The following PACRG variants were observed in gnomAD, a reference collection of about 807,000 sequenced individuals.
PACRG encodes parkin coregulated, also known as parkin coregulated gene protein.
Under a neutral mutation model 29.7 loss-of-function variants are expected in PACRG, and 29 were observed. The observed-to-expected ratio is 0.98, with a 90% CI of 0.73 to 1.33. The LOEUF (loss-of-function observed/expected upper bound fraction) is 1.33. Ranked by LOEUF, PACRG falls within the 40% of genes most tolerant of loss-of-function variation. PACRG has a pLI of 0.00. For missense variants in PACRG, 279 were observed against 316.2 expected (o/e 0.88, Z 0.89); for synonymous variants, 116 against 118.7 (o/e 0.98, Z 0.15).
chr6:162,997,506 G>A (rs1481428417), intron 2 of PACRG: 1 of 435,906 alleles, frequency 2.3e-6, no homozygotes, highest in African/African-American at 2.0e-5. Context: ...CCAATGAATA[G>A]CAGAATAATG....
At chr6:162,799,397 A>G (rs9458647) in intron 1 of PACRG, among the ~76,000 whole-genome samples, 79,625 of 151,908 alleles carry the variant, frequency 0.52, 21,789 homozygotes, top group African/African-American at 0.69. Flanking sequence ...ACTGTGGTGG[A>G]AAAAACCTAG....
intron 2 of PACRG, among the ~76,000 whole-genome samples, chr6:162,955,722 T>G (rs1158703324): frequency 6.6e-6 from 1 of 152,236 alleles, no homozygotes. Flanking sequence ...GAAAGGAGGC[T>G]GAAGGCCCTT....
intron 2 of PACRG, among the ~76,000 whole-genome samples, chr6:162,880,812 G>A (rs1180496132): frequency 2.6e-5 from 4 of 152,212 alleles, no homozygotes; most frequent in African/African-American, 9.6e-5. Flanking sequence ...ACTACACATC[G>A]CTTTCATCTG....
In PACRG at chr6:162,787,558, T is replaced by TTGTGTG. The variant is rs377437969; in HGVS notation, c.157-26569_157-26564dup. ...GTGTTTGTGTATATATATATGGTTA[T>TTGTGTG]TGTGTGTGTGTGTGTGTGTGTGTGT... On this transcript the variant is annotated intron_variant, in intron 1 of 4. Coordinates refer to ENST00000366888, the MANE Select transcript of PACRG (RefSeq NM_001080379.2). Among the ~76,000 whole-genome samples, 429 of 78,788 alleles carry TTGTGTG rather than the reference T, an allele frequency of 5.4e-3. 11 individuals are homozygous for TTGTGTG. Among genetic ancestry groups the TTGTGTG allele is most frequent in the South Asian group, 9.1e-3 (13 of 1,426 alleles). 51.7% of individuals were successfully genotyped at this position (78,788 alleles called of 152,430 possible). A position where few individuals can be genotyped will look rare whatever the true frequency, so the allele number is the denominator to read the frequency against.
chr6:162,872,005 G>C (rs1198484284), intron 2 of PACRG, among the ~76,000 whole-genome samples: 1 of 152,004 alleles, frequency 6.6e-6, no homozygotes, highest in African/African-American at 2.4e-5. Context: ...TCCAAACACT[G>C]TAAGATATGT....
chr6:163,087,783 C>T (rs1022313968), intron 3 of PACRG, among the ~76,000 whole-genome samples: 1 of 148,048 alleles, frequency 6.8e-6, no homozygotes, highest in African/African-American at 2.5e-5. Context: ...GAGAGTGAGA[C>T]CAGAGGAGAG....
At chr6:162,857,543 A>G (rs1292161842) in intron 2 of PACRG, among the ~76,000 whole-genome samples, 2 of 152,302 alleles carry the variant, frequency 1.3e-5, no homozygotes, top group Non-Finnish European at 1.5e-5. Flanking sequence ...GCACCCAGGA[A>G]GGCTATGATT....
intron 4 of PACRG, among the ~76,000 whole-genome samples, chr6:163,240,806 C>A (rs1263994400): frequency 2.0e-5 from 3 of 152,228 alleles, no homozygotes; most frequent in Non-Finnish European, 4.4e-5. Flanking sequence ...GCAGCTCTGC[C>A]CATGTTTGCC....
intron 2 of PACRG, among the ~76,000 whole-genome samples, chr6:162,831,687 G>A (rs1028225284): frequency 1.3e-5 from 2 of 152,150 alleles, no homozygotes; most frequent in African/African-American, 2.4e-5. Context: ...GCCCCAGTGT[G>A]TGTTGTTTCC....
intron 4 of PACRG, among the ~76,000 whole-genome samples, chr6:163,201,387 A>T (rs1454716510): frequency 6.6e-6 from 1 of 152,200 alleles, no homozygotes; most frequent in Non-Finnish European, 1.5e-5. Context: ...TTATGTCCCA[A>T]TTTCTTTAAG....
intron 1 of PACRG, among the ~76,000 whole-genome samples, chr6:162,802,247 G>A (rs985631471): frequency 1.3e-5 from 2 of 152,126 alleles, no homozygotes; most frequent in African/African-American, 4.8e-5. Flanking sequence ...TGAAAATTAA[G>A]TAGTCAATAT....
chr6:163,252,924 A>ATG (rs1272355848), intron 4 of PACRG, among the ~76,000 whole-genome samples: 1 of 152,198 alleles, frequency 6.6e-6, no homozygotes, highest in African/African-American at 2.4e-5. Context: ...GTGACTGAGT[A>ATG]TGTGTGTGTG....
At chr6:162,934,739 T>C (rs1245109991) in intron 2 of PACRG, among the ~76,000 whole-genome samples, 1 of 152,268 alleles carries the variant, frequency 6.6e-6, no homozygotes, top group East Asian at 1.9e-4. Flanking sequence ...TCTTTCTCAT[T>C]TGTGTATTGT....
chr6:163,159,215 A>G (rs1030316244), intron 4 of PACRG, among the ~76,000 whole-genome samples: 1 of 151,296 alleles, frequency 6.6e-6, no homozygotes, highest in Non-Finnish European at 1.5e-5. Context: ...GCATTTAGCT[A>G]GAGTTTAAAG....
At chr6:163,277,257 C>T (rs945896991) in intron 4 of PACRG, among the ~76,000 whole-genome samples, 6 of 151,968 alleles carry the variant, frequency 3.9e-5, no homozygotes, top group Admixed American at 2.6e-4. Flanking sequence ...CTCACCACCA[C>T]GTACCCTTCC....
chr6:163,274,886 G>C (rs1417265424), intron 4 of PACRG, among the ~76,000 whole-genome samples: 15 of 124,462 alleles, frequency 1.2e-4, no homozygotes, highest in African/African-American at 4.6e-4. Context: ...TTGAGATAGA[G>C]TCTCACTCTG....
chr6:162,794,101 T>TTCCCA (rs1454585249), intron 1 of PACRG, among the ~76,000 whole-genome samples: 1 of 152,198 alleles, frequency 6.6e-6, no homozygotes, highest in Non-Finnish European at 1.5e-5. Flanking sequence ...GGAATGAGAC[T>TTCCCA]TCCCATCCCT....
intron 4 of PACRG, among the ~76,000 whole-genome samples, chr6:163,279,800 A>G (rs1271174558): frequency 1.3e-5 from 2 of 152,142 alleles, no homozygotes; most frequent in Non-Finnish European, 2.9e-5. Context: ...ACTATCACAT[A>G]AGTCATATTT....
At chr6:163,112,452 G>A (rs1815766581) in intron 4 of PACRG, among the ~76,000 whole-genome samples, 2 of 152,084 alleles carry the variant, frequency 1.3e-5, no homozygotes, top group African/African-American at 4.8e-5. Flanking sequence ...ACACAGAGGG[G>A]GCAACTATTG....
Sources: allele counts gnomAD v4.1 joint callset (sites outside exome capture counted in the v4.1 genomes callset), GRCh38; gene constraint gnomAD v4.1.1; transcripts MANE v1.5; gene names NCBI Gene and HGNC (gene_info 2026-07-23, HGNC 2026-07-21).